The following NDUFA9 variants were observed in gnomAD, a reference collection of about 807,000 sequenced individuals.
NDUFA9 encodes NADH dehydrogenase [ubiquinone] 1 alpha subcomplex subunit 9, mitochondrial.
NDUFA9 carries 23 observed loss-of-function variants against 45.9 expected under a neutral mutation model. The ratio of observed to expected loss-of-function variants is 0.50; its 90% CI spans 0.36 to 0.71. The LOEUF (loss-of-function observed/expected upper bound fraction) is 0.71. NDUFA9 is among the 30% of genes least tolerant of loss of function. The probability of loss-of-function intolerance (pLI) is 0.00; values close to 1 mark genes in which losing one functional copy is unlikely to be tolerated. For missense variants in NDUFA9, 466 were observed against 488.2 expected (o/e 0.95, Z 0.43); for synonymous variants, 176 against 170.5 (o/e 1.03, Z -0.25).
chr12:4,655,348 G>C (rs950819182), intron 3 of NDUFA9: 3 of 158,864 alleles, frequency 1.9e-5, no homozygotes, highest in Admixed American at 1.2e-4. Context: ...GCTGTCCAGT[G>C]TGGTAGCCAC....
chr12:4,682,766 G>A (rs912089326), intron 9 of NDUFA9, among the ~76,000 whole-genome samples: 2 of 152,140 alleles, frequency 1.3e-5, no homozygotes, highest in African/African-American at 4.8e-5. Context: ...TCTCTTTGTG[G>A]GTTAAATATC....
rs138862330 is a variant in NDUFA9 at position 4,679,411 on chromosome 12, T to G, written c.801-2794T>G. Among the ~76,000 whole-genome samples, 47 of 152,302 alleles carry G rather than the reference T, an allele frequency of 3.1e-4. No individual in the cohort carries two copies. The East Asian group carries it at 8.1e-3, about 26-fold the overall frequency. The stretch of plus-strand genomic sequence containing the variant: ...TTAATGTATGTAAATTATACCACAA[T>G]AGTGAATAGCATGGGTAAGATTTCT... On this transcript the variant is annotated intron_variant, in intron 8 of 10. Coordinates refer to ENST00000266544, the MANE Select transcript of NDUFA9 (RefSeq NM_005002.5).
At chr12:4,665,710 C>G (rs1169555530) in intron 6 of NDUFA9, among the ~76,000 whole-genome samples, 1 of 150,382 alleles carries the variant, frequency 6.6e-6, no homozygotes, top group Non-Finnish European at 1.5e-5. Context: ...AAGGTTTCCA[C>G]TTTCTCCAGA....
chr12:4,678,114 T>G (rs1479196548), intron 8 of NDUFA9, among the ~76,000 whole-genome samples: 1 of 151,986 alleles, frequency 6.6e-6, no homozygotes, highest in Non-Finnish European at 1.5e-5. Context: ...GAGGTGAACA[T>G]CACACACTGG....
intron 7 of NDUFA9, chr12:4,668,743 C>G: frequency 1.9e-6 from 1 of 537,340 alleles, no homozygotes; most frequent in Non-Finnish European, 3.3e-6. Flanking sequence ...GTGCTAGACA[C>G]ATCATACATG....
At chr12:4,661,810 GT>G (rs1174016678) in intron 5 of NDUFA9, among the ~76,000 whole-genome samples, 3 of 151,922 alleles carry the variant, frequency 2.0e-5, no homozygotes, top group Non-Finnish European at 2.9e-5. Flanking sequence ...AGAGCAGGAT[GT>G]CTTCATTTAA....
intron 9 of NDUFA9, among the ~76,000 whole-genome samples, chr12:4,684,533 G>C (rs141273576): frequency 6.6e-6 from 1 of 152,316 alleles, no homozygotes; most frequent in Admixed American, 6.5e-5. Context: ...TACTTGGGAG[G>C]CTGAAGTGGG....
In NDUFA9 at chr12:4,660,139, A is replaced by C. The variant is rs190177475; in HGVS notation, c.552+962A>C. Among the ~76,000 whole-genome samples, 167 of 152,258 alleles carry C rather than the reference A, an allele frequency of 1.1e-3. 2 individuals carry two copies. Among genetic ancestry groups the C allele is most frequent in the African/African-American group, 3.2e-3 (134 of 41,554 alleles). On this transcript the variant is annotated intron_variant, in intron 5 of 10. Coordinates refer to ENST00000266544, the MANE Select transcript of NDUFA9 (RefSeq NM_005002.5). ...ATAGTACTGTTGAATAAGATGGGAA[A>C]TGCTTGGGAGGGACTAGGCTGTAGG... is the stretch of plus-strand genomic sequence containing the variant.
At chr12:4,657,726 C>G (rs779617494) in intron 3 of NDUFA9, 22 bp from the exon 4 acceptor site, 1 of 1,572,590 alleles carries the variant, frequency 6.4e-7, no homozygotes, top group Non-Finnish European at 8.7e-7. Context: ...TGTTTTCATC[C>G]GATTGCTTTC....
intron 9 of NDUFA9, among the ~76,000 whole-genome samples, chr12:4,683,059 T>C (rs1422467562): frequency 2.0e-5 from 3 of 151,732 alleles, no homozygotes; most frequent in Non-Finnish European, 4.4e-5. Context: ...AGGTGACTGC[T>C]ACTGCGCACA....
rs965987964 is a variant in NDUFA9, at chr12:4,690,789, A to T, written c.*3681A>T. On this transcript the variant is annotated 3_prime_UTR_variant, in exon 11 of 11. Transcript: ENST00000266544. The stretch of plus-strand genomic sequence containing the variant: ...AATATATGCAAAGATCTCTGAGAAG[A>T]TAAAGAAAGGTCTCTGGAAGGATTA... 2 of 152,208 alleles carry T rather than the reference A, an allele frequency of 1.3e-5. No individual in the cohort carries two copies. Among genetic ancestry groups the T allele is most frequent in the African/African-American group, 2.4e-5 (1 of 41,440 alleles). The allele number at this position is 152,208 out of a possible 1,614,324, so 9.4% of individuals were successfully genotyped here.
chr12:4,668,254 T>G (rs922503458), intron 6 of NDUFA9, among the ~76,000 whole-genome samples: 6 of 152,358 alleles, frequency 3.9e-5, no homozygotes, highest in African/African-American at 1.2e-4. Context: ...CTTCATGGTT[T>G]TAAACATTTG....
intron 5 of NDUFA9, among the ~76,000 whole-genome samples, chr12:4,659,480 G>T (rs1024061963): frequency 1.6e-4 from 25 of 152,162 alleles, no homozygotes; most frequent in African/African-American, 5.3e-4. Context: ...ACAGATTTCT[G>T]CCAAAGGAAT....
intron 8 of NDUFA9, 65 bp downstream of exon 8, chr12:4,669,882 G>A: frequency 1.8e-6 from 2 of 1,137,656 alleles, no homozygotes; most frequent in Non-Finnish European, 2.7e-6. Context: ...ATCTAAATTA[G>A]TTACTAACAG....
intron 4 of NDUFA9, 44 bp downstream of exon 4, chr12:4,657,883 A>G: frequency 6.8e-7 from 1 of 1,468,324 alleles, no homozygotes; most frequent in Non-Finnish European, 9.5e-7. Flanking sequence ...AGTCTTTCTT[A>G]GGGTTTAATG....
At chr12:4,676,972 A>G (rs746793449) in intron 8 of NDUFA9, among the ~76,000 whole-genome samples, 4 of 152,232 alleles carry the variant, frequency 2.6e-5, no homozygotes, top group Admixed American at 6.5e-5. Flanking sequence ...AATGGGACAG[A>G]ACAGAGGGCT....
chr12:4,663,715 T>C (rs1030508413), intron 6 of NDUFA9, among the ~76,000 whole-genome samples: 4 of 152,180 alleles, frequency 2.6e-5, no homozygotes, highest in African/African-American at 9.7e-5. Context: ...GGTATTTTGT[T>C]ATGGTAGCCT....
chr12:4,659,598 A>T (rs1316161960), intron 5 of NDUFA9, among the ~76,000 whole-genome samples: 1 of 152,178 alleles, frequency 6.6e-6, no homozygotes, highest in Non-Finnish European at 1.5e-5. Flanking sequence ...GCTCAGAATG[A>T]CAGGGATTAA....
chr12:4,650,639 T>A (rs1945753377), intron 1 of NDUFA9, among the ~76,000 whole-genome samples: 1 of 152,112 alleles, frequency 6.6e-6, no homozygotes, highest in Non-Finnish European at 1.5e-5. Context: ...CAACTATATA[T>A]AGTTAAGTGT....
Sources: gnomAD v4.1 joint callset for allele counts (sites outside exome capture counted in the v4.1 genomes callset) on GRCh38, gnomAD v4.1.1 for gene constraint, MANE v1.5 for transcripts, NCBI Gene and HGNC (gene_info 2026-07-23, HGNC 2026-07-21) for gene names.